The following PCDHGA6 variants were observed in gnomAD, a reference collection of about 807,000 sequenced individuals.
PCDHGA6 encodes protocadherin gamma subfamily A, 6, also known as protocadherin gamma-A6.
A neutral mutation model predicts 60.6 loss-of-function variants in PCDHGA6; 41 were observed. The ratio of observed to expected loss-of-function variants is 0.68; its 90% CI spans 0.53 to 0.88. PCDHGA6 has a LOEUF of 0.88. PCDHGA6 is among the 40% of genes least tolerant of loss of function. The probability of loss-of-function intolerance (pLI) is 0.00; values close to 1 mark genes in which losing one functional copy is unlikely to be tolerated. For missense variants in PCDHGA6, 1,312 were observed against 1,203.0 expected, an observed-to-expected ratio of 1.09 and a Z score of -1.34; for synonymous variants, 594 against 524.4, an observed-to-expected ratio of 1.13 and a Z score of -1.81.
chr5:141,416,031 C>G (rs1301059596), intron 1 of PCDHGA6: 1 of 207,362 alleles, frequency 4.8e-6, no homozygotes, highest in Non-Finnish European at 9.4e-6. Context: ...AGAAAGAAAT[C>G]ACCTCTGGAA....
At chr5:141,409,145 T>G (rs2095231039) in intron 1 of PCDHGA6, 1 of 1,613,884 alleles carries the variant, frequency 6.2e-7, no homozygotes, top group Non-Finnish European at 8.5e-7. Flanking sequence ...TGTAGAAAGG[T>G]ACACCATGGA....
At chr5:141,475,760 C>T (rs1480762060) in intron 1 of PCDHGA6, among the ~76,000 whole-genome samples, 1 of 152,286 alleles carries the variant, frequency 6.6e-6, no homozygotes, top group Non-Finnish European at 1.5e-5. Flanking sequence ...TGCACCGATA[C>T]TGGCAAGGCG....
intron 1 of PCDHGA6, among the ~76,000 whole-genome samples, chr5:141,381,361 G>A (rs1050283609): frequency 6.6e-6 from 1 of 152,198 alleles, no homozygotes; most frequent in Admixed American, 6.5e-5. Context: ...CTAGCAGAGG[G>A]TAGCCTCGGA....
intron 1 of PCDHGA6, chr5:141,377,472 TG>T (rs1191503778): frequency 6.6e-6 from 1 of 152,084 alleles, no homozygotes; most frequent in Non-Finnish European, 1.5e-5. Flanking sequence ...GGCGTACACC[TG>T]TAGTCCCAGC....
intron 1 of PCDHGA6, among the ~76,000 whole-genome samples, chr5:141,460,961 A>G (rs113156768): frequency 0.11 from 16,010 of 144,518 alleles, 1,385 homozygotes; most frequent in African/African-American, 0.24. Context: ...GTATATATAT[A>G]TGTGTGTGTG....
At chr5:141,386,456 G>T (rs2090582697) in intron 1 of PCDHGA6, among the ~76,000 whole-genome samples, 1 of 152,278 alleles carries the variant, frequency 6.6e-6, no homozygotes, top group East Asian at 1.9e-4. Flanking sequence ...CAAGAGGACA[G>T]CTTGAACCCA....
chr5:141,452,914 TAAGA>T (rs1164409830), intron 1 of PCDHGA6, among the ~76,000 whole-genome samples: 1 of 152,226 alleles, frequency 6.6e-6, no homozygotes, highest in African/African-American at 2.4e-5. Flanking sequence ...CATTATACAG[TAAGA>T]AAGAGCTGCT....
At chr5:141,427,059 G>C (rs751016646) in intron 1 of PCDHGA6, 1 of 457,744 alleles carries the variant, frequency 2.2e-6, no homozygotes, top group South Asian at 1.5e-5. Context: ...AGGCACCTCT[G>C]TACTAAAGGT....
intron 1 of PCDHGA6, chr5:141,415,519 A>T: frequency 1.9e-6 from 3 of 1,614,182 alleles, no homozygotes; most frequent in Non-Finnish European, 2.5e-6. Context: ...TTATGCGGAC[A>T]CGCTCATCAG....
intron 1 of PCDHGA6, chr5:141,419,836 G>A (rs756561978): frequency 1.9e-6 from 3 of 1,613,958 alleles, no homozygotes. Context: ...CCACTGCCAC[G>A]CTGCACCTGG....
rs2097527384 is a variant in PCDHGA6 at position 141,432,674 on chromosome 5, A to G, written c.2424+56167A>G. 2 of 1,613,856 alleles carry G rather than the reference A, an allele frequency of 1.2e-6. No homozygotes were observed. The highest frequency in any genetic ancestry group is 4.5e-5 in the East Asian group (2 of 44,840). On this transcript the variant is annotated intron_variant, in intron 1 of 3. Coordinates refer to ENST00000517434, the MANE Select transcript of PCDHGA6 (RefSeq NM_018919.3). The surrounding 1 kb of genome is among the most constrained non-coding windows in gnomAD (Gnocchi z 6.0). ...AGCCCTGCTGGACAGAGACGCGCTCAAGCAGAGCCTCGTAGTGGCCGTCCA... is the reference window on the plus strand; with the variant it reads ...AGCCCTGCTGGACAGAGACGCGCTCGAGCAGAGCCTCGTAGTGGCCGTCCA...
In PCDHGA6 at chr5:141,486,697, C is replaced by T. The variant is rs146956400; in HGVS notation, c.2425-8110C>T. 89 of 1,614,058 alleles carry T rather than the reference C, an allele frequency of 5.5e-5. No homozygotes were observed. Among genetic ancestry groups the T allele is most frequent in the Non-Finnish European group, 7.4e-5 (87 of 1,180,040 alleles). ...GAGATGTATCAGCTTCCTCTTTCAT[C>T]TCTCTGAACCCCCAGACAGGAGCTG... On this transcript the variant is annotated intron_variant, in intron 1 of 3. Coordinates refer to ENST00000517434, the MANE Select transcript of PCDHGA6 (RefSeq NM_018919.3). The surrounding 1 kb of genome is among the most constrained non-coding windows in gnomAD (Gnocchi z 5.0).
intron 1 of PCDHGA6, among the ~76,000 whole-genome samples, chr5:141,425,318 G>A (rs1304835508): frequency 1.3e-5 from 2 of 152,158 alleles, no homozygotes; most frequent in Non-Finnish European, 2.9e-5. Context: ...TCCCAAGATC[G>A]TGGAGAACAA....
At chr5:141,400,014 C>T (rs2093941558) in intron 1 of PCDHGA6, 1 of 1,612,662 alleles carries the variant, frequency 6.2e-7, no homozygotes, top group Non-Finnish European at 8.5e-7. Flanking sequence ...GTGCCTTGGG[C>T]GACAGGGACG....
At chr5:141,475,217 A>G (rs1053906682) in intron 1 of PCDHGA6, among the ~76,000 whole-genome samples, 4 of 152,196 alleles carry the variant, frequency 2.6e-5, no homozygotes, top group Non-Finnish European at 5.9e-5. Flanking sequence ...AGGATTGATC[A>G]AGTAAAGGGA....
chr5:141,393,851 A>T (rs758721118), intron 1 of PCDHGA6: 2 of 1,613,988 alleles, frequency 1.2e-6, no homozygotes, highest in Non-Finnish European at 1.7e-6. Context: ...ATAGACCAGA[A>T]GTGATCATTA....
intron 1 of PCDHGA6, among the ~76,000 whole-genome samples, chr5:141,483,722 C>G (rs1043315057): frequency 6.6e-6 from 1 of 152,080 alleles, no homozygotes; most frequent in Non-Finnish European, 1.5e-5. Context: ...TATTGGTTCC[C>G]ACCATAGTCA....
intron 1 of PCDHGA6, among the ~76,000 whole-genome samples, chr5:141,406,837 CA>C (rs1174898109): frequency 6.6e-6 from 1 of 152,170 alleles, no homozygotes; most frequent in Non-Finnish European, 1.5e-5. Flanking sequence ...ACTTGCATAT[CA>C]GATATAATTT....
rs771124496 is a variant in PCDHGA6, at chr5:141,489,457, C to A, written c.2425-5350C>A. The A allele has an allele frequency of 6.2e-7, 1 of 1,613,882 alleles. No homozygotes were observed. The highest frequency in any genetic ancestry group is 8.5e-7 in the Non-Finnish European group (1 of 1,179,984). ...GCAATTGGGCTCTGAGGAGAATGGG[C>A]GCTATTTTTCCCTGAGCTTGATGAG... On this transcript the variant is annotated intron_variant, in intron 1 of 3. Coordinates refer to ENST00000517434, the MANE Select transcript of PCDHGA6 (RefSeq NM_018919.3). This position sits in a 1 kb window ranked among gnomAD's most constrained non-coding sequence, Gnocchi z 4.5.
Sources: allele counts gnomAD v4.1 joint callset (sites outside exome capture counted in the v4.1 genomes callset), GRCh38; gene constraint gnomAD v4.1.1; non-coding constraint Gnocchi (gnomAD v3.1); transcripts MANE v1.5; gene names NCBI Gene and HGNC (gene_info 2026-07-23, HGNC 2026-07-21).